Variants in PDE3A observed in about 807,000 individuals in gnomAD.
PDE3A encodes the protein cGMP-inhibited 3',5'-cyclic phosphodiesterase 3A.
In PDE3A, 43 loss-of-function variants were observed where a neutral mutation model predicts 98.3. The ratio of observed to expected loss-of-function variants is 0.44; its 90% CI spans 0.34 to 0.56. The LOEUF (loss-of-function observed/expected upper bound fraction) is 0.56. PDE3A is among the 20% of genes least tolerant of loss of function. The pLI, the probability that PDE3A is intolerant of heterozygous loss-of-function variation, is 0.01. For missense variants in PDE3A, 1,427 were observed against 1,440.7 expected, an observed-to-expected ratio of 0.99 and a Z score of 0.15; for synonymous variants, 663 against 567.9, an observed-to-expected ratio of 1.17 and a Z score of -2.38.
intron 1 of PDE3A, among the ~76,000 whole-genome samples, chr12:20,375,689 C>A (rs1429404880): frequency 1.3e-5 from 2 of 151,768 alleles, no homozygotes; most frequent in Non-Finnish European, 2.9e-5. Context: ...TGCTAAAAAT[C>A]AAAAATAATA....
At chr12:20,479,414 G>C (rs1468211710) in intron 1 of PDE3A, among the ~76,000 whole-genome samples, 1 of 152,136 alleles carries the variant, frequency 6.6e-6, no homozygotes, top group Non-Finnish European at 1.5e-5. Flanking sequence ...TGAAGTTCAT[G>C]TATTACCTTT....
intron 1 of PDE3A, among the ~76,000 whole-genome samples, chr12:20,543,337 C>G (rs1193830654): frequency 1.3e-5 from 2 of 151,688 alleles, no homozygotes; most frequent in East Asian, 1.9e-4. Context: ...TAATAATACA[C>G]CTGGAAGTGC....
chr12:20,444,653 A>G (rs556049704), intron 1 of PDE3A, among the ~76,000 whole-genome samples: 1 of 152,166 alleles, frequency 6.6e-6, no homozygotes, highest in East Asian at 1.9e-4. Context: ...TAAAGAAATA[A>G]AAGTGTTAAT....
intron 1 of PDE3A, among the ~76,000 whole-genome samples, chr12:20,447,668 C>T (rs1430636375): frequency 6.6e-6 from 1 of 152,208 alleles, no homozygotes. Flanking sequence ...CTCCAACTGG[C>T]TGTTCATTCA....
intron 1 of PDE3A, among the ~76,000 whole-genome samples, chr12:20,497,291 G>C (rs942883482): frequency 6.6e-6 from 1 of 151,686 alleles, no homozygotes; most frequent in African/African-American, 2.4e-5. Flanking sequence ...ATAACAGATA[G>C]TAATTTTTAT....
intron 1 of PDE3A, among the ~76,000 whole-genome samples, chr12:20,547,002 C>A (rs895968643): frequency 3.9e-5 from 6 of 152,014 alleles, no homozygotes; most frequent in Non-Finnish European, 8.8e-5. Flanking sequence ...AAGATCCAAT[C>A]CCTTTTTAAA....
intron 4 of PDE3A, among the ~76,000 whole-genome samples, chr12:20,618,425 A>C (rs1463971467): frequency 3.3e-5 from 1 of 30,382 alleles, no homozygotes; most frequent in Non-Finnish European, 9.7e-5. Flanking sequence ...CAAAAGAAGA[A>C]TAAGAATGAG....
chr12:20,455,058 A>G (rs1162814955), intron 1 of PDE3A, among the ~76,000 whole-genome samples: 1 of 152,168 alleles, frequency 6.6e-6, no homozygotes, highest in African/African-American at 2.4e-5. Flanking sequence ...ACTGCTTTCT[A>G]CAGTGGCTGA....
At chr12:20,410,884 T>C (rs906560353) in intron 1 of PDE3A, among the ~76,000 whole-genome samples, 2 of 152,216 alleles carry the variant, frequency 1.3e-5, no homozygotes, top group African/African-American at 4.8e-5. Context: ...GCCAACATAT[T>C]TCCTGTTCTG....
intron 1 of PDE3A, among the ~76,000 whole-genome samples, chr12:20,544,707 G>A (rs562045852): frequency 6.6e-6 from 1 of 151,856 alleles, no homozygotes; most frequent in South Asian, 2.1e-4. Context: ...CACTGGCTGG[G>A]TTATGTTACA....
At chr12:20,421,744 G>A (rs1338176612) in intron 1 of PDE3A, among the ~76,000 whole-genome samples, 3 of 152,102 alleles carry the variant, frequency 2.0e-5, no homozygotes, top group East Asian at 3.9e-4. Flanking sequence ...TCCTGAGAGT[G>A]GTATTCAGGT....
At chr12:20,503,739 A>G (rs1946065426) in intron 1 of PDE3A, among the ~76,000 whole-genome samples, 1 of 152,078 alleles carries the variant, frequency 6.6e-6, no homozygotes, top group Non-Finnish European at 1.5e-5. Flanking sequence ...TGCTTATTTT[A>G]GGTTCTAATT....
At chr12:20,388,213 C>T (rs552752246) in intron 1 of PDE3A, among the ~76,000 whole-genome samples, 1 of 151,834 alleles carries the variant, frequency 6.6e-6, no homozygotes, top group South Asian at 2.1e-4. Context: ...TATAAAACAC[C>T]CTTGGAAGTA....
At chr12:20,479,663 C>T (rs1049829630) in intron 1 of PDE3A, among the ~76,000 whole-genome samples, 1 of 152,158 alleles carries the variant, frequency 6.6e-6, no homozygotes, top group Admixed American at 6.6e-5. Context: ...TTATAAAATG[C>T]TTTCCTGGGG....
At chr12:20,479,966 A>G (rs982574615) in intron 1 of PDE3A, among the ~76,000 whole-genome samples, 12 of 152,228 alleles carry the variant, frequency 7.9e-5, no homozygotes, top group Admixed American at 6.5e-4. Context: ...TTAGTTTGTC[A>G]AGATTTAACC....
rs577903158 is a variant in PDE3A, at chr12:20,519,619, T to G, written c.961-37041T>G. ...ATACGAATATAATTCAGACACAGTA[T>G]GTCTACTGCTGATTAATGAAGAAGG... On this transcript the variant is annotated intron_variant, in intron 1 of 15. Coordinates refer to ENST00000359062, the MANE Select transcript of PDE3A (RefSeq NM_000921.5). Among the ~76,000 whole-genome samples, 7 of 152,362 alleles carry G rather than the reference T, an allele frequency of 4.6e-5. No individual in the cohort carries two copies. The East Asian group carries it at 1.4e-3, about 29-fold the overall frequency.
chr12:20,402,634 T>C (rs1477169663), intron 1 of PDE3A, among the ~76,000 whole-genome samples: 2 of 152,228 alleles, frequency 1.3e-5, no homozygotes, highest in African/African-American at 4.8e-5. Flanking sequence ...AAGACAACTA[T>C]GAATATAAAT....
chr12:20,637,298 A>G, intron 9 of PDE3A, 61 bp downstream of exon 9: 1 of 1,283,880 alleles, frequency 7.8e-7, no homozygotes, highest in Non-Finnish European at 1.1e-6. Flanking sequence ...TTTGTTGCTT[A>G]AAGCTCTGTA....
chr12:20,570,407 CAAAAAAAAAAAA>C lies in PDE3A; in HGVS notation c.1011+13717_1011+13728del, dbSNP rs61242685. Among the ~76,000 whole-genome samples, 189 of 43,356 alleles carry C rather than the reference CAAAAAAAAAAAA, an allele frequency of 4.4e-3. 1 individual carries two copies. The highest frequency in any genetic ancestry group is 0.02 in the African/African-American group (175 of 8,540). The allele number at this position is 43,356 out of a possible 152,430, so 28.4% of individuals were successfully genotyped here. On this transcript the variant is annotated intron_variant, in intron 2 of 15. Transcript: ENST00000359062. ...TGGGCAACAGAATGCGACGCTGTCT[CAAAAAAAAAAAA>C]AAAAAAAAAAAAAAAAAAAGGTGTA...
Sources: allele counts gnomAD v4.1 joint callset (sites outside exome capture counted in the v4.1 genomes callset), GRCh38; gene constraint gnomAD v4.1.1; transcripts MANE v1.5; gene names NCBI Gene and HGNC (gene_info 2026-07-23, HGNC 2026-07-21).